Variants in C2CD3 observed in about 807,000 individuals in gnomAD.
C2CD3 encodes C2 domain containing 3 centriole elongation regulator, also known as C2 domain-containing protein 3.
Under a neutral mutation model 234.0 loss-of-function variants are expected in C2CD3, and 148 were observed. The ratio of observed to expected loss-of-function variants is 0.63; its 90% CI spans 0.55 to 0.72. C2CD3 has a LOEUF of 0.72. Ranked by LOEUF, C2CD3 falls within the 30% of genes least tolerant of loss-of-function variation. C2CD3 has a pLI of 0.00. For missense variants in C2CD3, 2,577 were observed against 2,811.5 expected (o/e 0.92, Z 1.89); for synonymous variants, 1,000 against 1,035.4 (o/e 0.97, Z 0.66).
At chr11:74,150,356 T>C (rs887805257) in intron 3 of C2CD3, among the ~76,000 whole-genome samples, 3 of 150,404 alleles carry the variant, frequency 2.0e-5, no homozygotes, top group African/African-American at 7.3e-5. Context: ...GATGTGGTGG[T>C]ACATGCCTGT....
intron 32 of C2CD3, among the ~76,000 whole-genome samples, chr11:74,020,451 CT>C (rs1484984012): frequency 1.3e-5 from 2 of 152,248 alleles, no homozygotes; most frequent in African/African-American, 4.8e-5. Flanking sequence ...CTCTGTCTTT[CT>C]TTTCCTATAC....
At chr11:74,113,676 T>C (rs756621650) in intron 11 of C2CD3, 104 bp downstream of exon 11, 27 of 724,544 alleles carry the variant, frequency 3.7e-5, no homozygotes, top group African/African-American at 8.2e-5. Context: ...TGAGACTCCA[T>C]GTCAAAAAAA....
intron 9 of C2CD3, among the ~76,000 whole-genome samples, chr11:74,116,945 CACGTATATAT>C (rs1565312710): frequency 1.0e-5 from 1 of 100,082 alleles, no homozygotes; most frequent in African/African-American, 4.6e-5. Flanking sequence ...TACACATATA[CACGTATATAT>C]GTGTATATAC....
At chr11:74,163,922 C>T (rs1343552149) in intron 2 of C2CD3, among the ~76,000 whole-genome samples, 4 of 152,194 alleles carry the variant, frequency 2.6e-5, no homozygotes, top group African/African-American at 9.7e-5. Flanking sequence ...TCTTCCACAT[C>T]TCATTAATTC....
chr11:74,095,423 A>G lies in C2CD3; in HGVS notation c.2980-15T>C. 6.2e-7 allele frequency: 1 copy of G among 1,602,194 alleles called. No homozygotes were observed. The highest frequency in any genetic ancestry group is 8.5e-7 in the Non-Finnish European group (1 of 1,173,324). ...CGGTCCTCTGCCTATTAAATGAAACAGAAACACTGGTGAGCTTTAAAGAGT... is the reference window on the plus strand; with the variant it reads ...CGGTCCTCTGCCTATTAAATGAAACGGAAACACTGGTGAGCTTTAAAGAGT... On this transcript the variant is annotated splice_polypyrimidine_tract_variant and intron_variant, in intron 16 of 32. Coordinates refer to ENST00000334126, the MANE Select transcript of C2CD3 (RefSeq NM_001286577.2).
At position 74,078,667 on chromosome 11, in the gene C2CD3, G is replaced by C. The variant is rs779665040; in HGVS notation, c.4051C>G (p.His1351Asp). The change falls in exon 23 of 33, where the codon CAT becomes GAT. Residue 1351 changes from histidine to aspartate, a missense_variant. Physicochemically the swap from His to Asp is moderately conservative, Grantham distance 81. Transcript: ENST00000334126. ...ATCTTCTGCATGAGCTCCAGGCCAT[G>C]AGGTAGGCCCCCGTCTTCTGGTAAA... ...IILPEDGGLP[H>D]GLELMQKIVG... The C allele has an allele frequency of 5.3e-5, 86 of 1,613,750 alleles. 1 individual carries two copies. In the South Asian group the frequency reaches 9.2e-4, roughly 17 times the overall value.
At chr11:74,071,609 C>A (rs1358706276) in intron 24 of C2CD3, among the ~76,000 whole-genome samples, 1 of 152,110 alleles carries the variant, frequency 6.6e-6, no homozygotes, top group African/African-American at 2.4e-5. Flanking sequence ...CTGCTCGTGG[C>A]AAGGATTAAA....
At chr11:74,163,045 A>G (rs566047440) in intron 2 of C2CD3, among the ~76,000 whole-genome samples, 49 of 152,342 alleles carry the variant, frequency 3.2e-4, no homozygotes, top group Non-Finnish European at 6.2e-4. Context: ...TAATGTATGC[A>G]TAAGGAATCT....
At chr11:74,095,534 CTT>C in intron 16 of C2CD3, 126 bp from the exon 17 acceptor site, 2 of 630,160 alleles carry the variant, frequency 3.2e-6, no homozygotes, top group Non-Finnish European at 5.1e-6. Context: ...AAAATAGACA[CTT>C]AATTTTCATT....
chr11:74,119,340 A>C lies in C2CD3; in HGVS notation c.1366-958T>G, dbSNP rs186749743. 2.0e-4 allele frequency among the ~76,000 whole-genome samples: 30 copies of C among 152,300 alleles called. No homozygotes were observed. In the East Asian group the frequency reaches 5.6e-3, roughly 28 times the overall value. ...CCAATGGCTAAGCCCCTTGCAATTC[A>C]TTTTTATTTTGAGAAAAGGCAGCTA... On this transcript the variant is annotated intron_variant, in intron 8 of 32. Transcript: ENST00000334126.
chr11:74,138,391 A>G (rs570020325), intron 5 of C2CD3, among the ~76,000 whole-genome samples: 3 of 152,192 alleles, frequency 2.0e-5, no homozygotes, highest in African/African-American at 2.4e-5. Context: ...TGATCACGAG[A>G]CAAAAACCTT....
At chr11:74,122,858 T>A (rs1177333783) in intron 8 of C2CD3, 130 bp downstream of exon 8, 1 of 648,312 alleles carries the variant, frequency 1.5e-6, no homozygotes, top group Non-Finnish European at 2.6e-6. Context: ...GATAATACTT[T>A]CCTCTTGAGG....
Position 74,034,043 on chromosome 11 carries a change from C to T in C2CD3, c.6117G>A (p.Arg2039=). The T allele has an allele frequency of 6.5e-7, 1 of 1,536,460 alleles. No individual in the cohort carries two copies. The highest frequency in any genetic ancestry group is 8.7e-7 in the Non-Finnish European group (1 of 1,146,984). Residue 2039 remains arginine (R), a synonymous_variant, in exon 31 of 33, where the codon AGG becomes AGA. Transcript: ENST00000334126. ...GCATCCTTGTAATGGGTACTGCATGCCTCAGGGACTCATGGAGCATTCTTC... is the reference window on the plus strand; with the variant it reads ...GCATCCTTGTAATGGGTACTGCATGTCTCAGGGACTCATGGAGCATTCTTC... ...NGGRMLHESL[R]HAVPITRMQS...
intron 5 of C2CD3, among the ~76,000 whole-genome samples, chr11:74,134,083 AC>A (rs1433228441): frequency 4.6e-5 from 7 of 152,176 alleles, no homozygotes; most frequent in African/African-American, 1.4e-4. Context: ...ATCAGAGAAT[AC>A]ACTTATGGAA....
At chr11:74,032,645 G>C (rs998676719) in intron 31 of C2CD3, among the ~76,000 whole-genome samples, 1 of 152,070 alleles carries the variant, frequency 6.6e-6, no homozygotes, top group African/African-American at 2.4e-5. Flanking sequence ...GGTGAGGCAG[G>C]AGGATTGCTT....
chr11:74,152,075 C>T (rs1855701816), intron 3 of C2CD3, among the ~76,000 whole-genome samples: 1 of 152,182 alleles, frequency 6.6e-6, no homozygotes, highest in South Asian at 2.1e-4. Context: ...AGAAAAATGT[C>T]AAGCAGTCTA....
intron 3 of C2CD3, among the ~76,000 whole-genome samples, chr11:74,158,390 TAAAAG>T (rs1856179088): frequency 6.6e-6 from 1 of 152,164 alleles, no homozygotes; most frequent in African/African-American, 2.4e-5. Flanking sequence ...AGACATTTCT[TAAAAG>T]AAGACATGCA....
At chr11:74,068,074 A>G (rs147998981) in intron 24 of C2CD3, among the ~76,000 whole-genome samples, 13 of 152,268 alleles carry the variant, frequency 8.5e-5, no homozygotes, top group Non-Finnish European at 1.8e-4. Context: ...TTCTGAACTT[A>G]AAAGATTTAG....
intron 30 of C2CD3, 118 bp downstream of exon 30, chr11:74,037,360 G>A: frequency 1.3e-6 from 1 of 798,000 alleles, no homozygotes; most frequent in Non-Finnish European, 2.1e-6. Context: ...AAGGAAGAGG[G>A]TGAAAACAAT....
Sources: allele counts gnomAD v4.1 joint callset (sites outside exome capture counted in the v4.1 genomes callset), GRCh38; gene constraint gnomAD v4.1.1; transcripts MANE v1.5; gene names NCBI Gene and HGNC (gene_info 2026-07-23, HGNC 2026-07-21).